The following RFX2 variants were observed in gnomAD, a reference collection of about 807,000 sequenced individuals.
The protein encoded by RFX2 is DNA-binding protein RFX2.
A neutral mutation model predicts 87.8 loss-of-function variants in RFX2; 20 were observed. The observed-to-expected ratio is 0.23, with a 90% CI of 0.16 to 0.33. The LOEUF is 0.33. Among genes scored for constraint, RFX2 ranks in the 10% least tolerant of loss-of-function variants. The probability of loss-of-function intolerance (pLI) is 1.00; values close to 1 mark genes in which losing one functional copy is unlikely to be tolerated. For missense variants in RFX2, 767 were observed against 1,012.3 expected (o/e 0.76, Z 3.29); for synonymous variants, 397 against 431.3 (o/e 0.92, Z 0.98).
intron 5 of RFX2, among the ~76,000 whole-genome samples, chr19:6,035,700 G>C (rs1383291738): frequency 6.6e-6 from 1 of 152,126 alleles, no homozygotes; most frequent in Non-Finnish European, 1.5e-5. Flanking sequence ...GGCCATGGTT[G>C]TTCTTGGCTC....
In RFX2 at chr19:6,050,075, G is replaced by T. The variant is rs2087248902; in HGVS notation, c.-8-2571C>A. Among the ~76,000 whole-genome samples the T allele has an allele frequency of 6.6e-6, 1 of 152,204 alleles. No homozygotes were observed. On this transcript the variant is annotated intron_variant, in intron 1 of 17. Transcript: ENST00000303657. This position sits in a 1 kb window ranked among gnomAD's most constrained non-coding sequence, Gnocchi z 4.6. ...CCTACAAAATACACCTGAATCTTTGGCTAAGCAACTACACCACAAAGGTGT... is the reference window on the plus strand; with the variant it reads ...CCTACAAAATACACCTGAATCTTTGTCTAAGCAACTACACCACAAAGGTGT...
Position 6,026,449 on chromosome 19 carries a change from T to C in RFX2, c.523-212A>G, listed in dbSNP as rs1172097479. On this transcript the variant is annotated intron_variant, in intron 5 of 17. Transcript: ENST00000303657. The surrounding 1 kb of genome is among the most constrained non-coding windows in gnomAD (Gnocchi z 4.5). ...GGTAGGGAGTGTTGCTTCGCACACG[T>C]AGGTAAGCCCGAGAGCCCGTCCAAC... The C allele has an allele frequency of 8.4e-6, 5 of 592,490 alleles. No homozygotes were observed. Among genetic ancestry groups the C allele is most frequent in the Non-Finnish European group, 1.2e-5 (4 of 334,526 alleles). 36.7% of individuals were successfully genotyped at this position (592,490 alleles called of 1,614,324 possible). A position where few individuals can be genotyped will look rare whatever the true frequency, so the allele number is the denominator to read the frequency against.
At chr19:6,008,256 G>T in intron 9 of RFX2, 32 bp from the exon 10 acceptor site, 1 of 1,447,104 alleles carries the variant, frequency 6.9e-7, no homozygotes, top group Non-Finnish European at 9.4e-7. Context: ...ATCAGAAATG[G>T]CGAGGCTCTT....
At chr19:6,088,211 CTTTTTTTTTTTTTT>C (rs1030226963) in intron 1 of RFX2, among the ~76,000 whole-genome samples, 4 of 84,390 alleles carry the variant, frequency 4.7e-5, no homozygotes, top group Non-Finnish European at 9.0e-5. Context: ...GGCACTACAG[CTTTTTTTTTTTTTT>C]TTTTTTTTTT....
rs567793385 is a variant in RFX2, at chr19:5,999,145, A to G, written c.1860-1932T>C. Among the ~76,000 whole-genome samples the G allele has an allele frequency of 1.3e-5, 2 of 152,254 alleles. No homozygotes were observed. Among genetic ancestry groups the G allele is most frequent in the South Asian group, 4.1e-4 (2 of 4,822 alleles). On this transcript the variant is annotated intron_variant, in intron 15 of 17. Transcript: ENST00000303657. The surrounding 1 kb of genome is among the most constrained non-coding windows in gnomAD (Gnocchi z 4.1). ...GTGGTGGGCACCTGTAATCCCAGCT[A>G]TTCAGGAGGCTGAGGCACGAGAAGT...
intron 7 of RFX2, among the ~76,000 whole-genome samples, chr19:6,015,882 G>A (rs78807434): frequency 0.11 from 16,734 of 152,214 alleles, 2,779 homozygotes; most frequent in African/African-American, 0.36. Flanking sequence ...TGATCCCCAC[G>A]TCCTATCACC....
Position 6,040,082 on chromosome 19 carries a change from C to T in RFX2, c.420G>A (p.Gly140=), listed in dbSNP as rs148146728. 1.6e-4 allele frequency: 253 copies of T among 1,612,200 alleles called. No individual in the cohort carries two copies. In the African/African-American group the frequency reaches 3.0e-3, roughly 19 times the overall value. ...HSMVGITMDV[G]GSPIVSSAGA... is the part of the protein sequence containing the mutation. ...CCGCGCTGGAGACGATGGGGCTCCCCCCGACATCCATGGTGATGCCCACCA... is the reference window on the plus strand; with the variant it reads ...CCGCGCTGGAGACGATGGGGCTCCCTCCGACATCCATGGTGATGCCCACCA... The change falls in exon 5 of 18, where the codon GGG becomes GGA. Residue 140 remains glycine (G), a synonymous_variant. Coordinates refer to ENST00000303657, the MANE Select transcript of RFX2 (RefSeq NM_000635.4). This position sits in a 1 kb window ranked among gnomAD's most constrained non-coding sequence, Gnocchi z 6.1.
chr19:6,037,992 A>G (rs2087046913), intron 5 of RFX2, among the ~76,000 whole-genome samples: 1 of 152,218 alleles, frequency 6.6e-6, no homozygotes, highest in African/African-American at 2.4e-5. Context: ...ACCTTACATT[A>G]TACAAATGTT....
In RFX2 at chr19:6,007,615, T is replaced by A; in HGVS notation, c.1247+75A>T. Reference sequence around the variant, plus strand: ...TTCTTGGAGAGCTGAGGCTTTCGTTTGTGGGTTACCTGTGGACGTCAGCAG... The same window carrying A: ...TTCTTGGAGAGCTGAGGCTTTCGTTAGTGGGTTACCTGTGGACGTCAGCAG... On this transcript the variant is annotated intron_variant, in intron 11 of 17. Transcript: ENST00000303657. This position sits in a 1 kb window ranked among gnomAD's most constrained non-coding sequence, Gnocchi z 8.2. 1 of 836,640 alleles carries A rather than the reference T, an allele frequency of 1.2e-6. No individual in the cohort carries two copies. The allele number at this position is 836,640 out of a possible 1,614,324, so 51.8% of individuals were successfully genotyped here.
chr19:6,069,821 T>C (rs552917258), intron 1 of RFX2, among the ~76,000 whole-genome samples: 2 of 152,180 alleles, frequency 1.3e-5, no homozygotes, highest in African/African-American at 2.4e-5. Flanking sequence ...GATGGCTCTT[T>C]TGAGGAATTT....
intron 1 of RFX2, chr19:6,073,612 G>C: frequency 3.5e-6 from 1 of 288,296 alleles, no homozygotes; most frequent in Non-Finnish European, 6.4e-6. Flanking sequence ...ATAAATATTT[G>C]AAATATTTCC....
At chr19:6,085,827 C>A (rs1307661218) in intron 1 of RFX2, among the ~76,000 whole-genome samples, 1 of 152,144 alleles carries the variant, frequency 6.6e-6, no homozygotes, top group African/African-American at 2.4e-5. Context: ...CACAGTGGCT[C>A]ACGCCTGTAA....
rs113455825 is a variant in RFX2, at chr19:6,023,785, C to CT, written c.597+2377dup. Among the ~76,000 whole-genome samples the CT allele has an allele frequency of 9.5e-4, 138 of 145,542 alleles. No homozygotes were observed. Among genetic ancestry groups the CT allele is most frequent in the South Asian group, 3.5e-3 (16 of 4,588 alleles). On this transcript the variant is annotated intron_variant, in intron 6 of 17. Coordinates refer to ENST00000303657, the MANE Select transcript of RFX2 (RefSeq NM_000635.4). The surrounding 1 kb of genome is among the most constrained non-coding windows in gnomAD (Gnocchi z 4.9). ...ATGCATTTTCCCATAGACATTTTTT[C>CT]TTTTTTTTTTTTGAGATGGAGTCTC... is the stretch of plus-strand genomic sequence containing the variant.
At position 6,010,124 on chromosome 19, in the gene RFX2, C is replaced by T. The variant is rs200565789; in HGVS notation, c.1015+12G>A. The T allele has an allele frequency of 1.8e-5, 27 of 1,518,420 alleles. No homozygotes were observed. The highest frequency in any genetic ancestry group is 1.1e-4 in the African/African-American group (8 of 72,432). 94.1% of individuals were successfully genotyped at this position (1,518,420 alleles called of 1,614,324 possible). On this transcript the variant is annotated intron_variant, in intron 9 of 17. Coordinates refer to ENST00000303657, the MANE Select transcript of RFX2 (RefSeq NM_000635.4). This position sits in a 1 kb window ranked among gnomAD's most constrained non-coding sequence, Gnocchi z 5.0. Reference sequence around the variant, plus strand: ...TGGGAGCCCCGCCCCCGGGCCTGACCGGGCCTCTCACCTATGTACTGCTGG... The same window carrying T: ...TGGGAGCCCCGCCCCCGGGCCTGACTGGGCCTCTCACCTATGTACTGCTGG...
chr19:6,065,811 C>T (rs1332685902), intron 1 of RFX2, among the ~76,000 whole-genome samples: 1 of 151,966 alleles, frequency 6.6e-6, no homozygotes, highest in Non-Finnish European at 1.5e-5. Context: ...CGAGTCTCAC[C>T]ACGGGAACCA....
chr19:6,065,215 G>A (rs769586587), intron 1 of RFX2, among the ~76,000 whole-genome samples: 4 of 152,154 alleles, frequency 2.6e-5, no homozygotes, highest in Non-Finnish European at 5.9e-5. Context: ...ACAGGTTGCA[G>A]GACAAATAAT....
At chr19:6,014,758 C>T (rs1477845995) in intron 7 of RFX2, among the ~76,000 whole-genome samples, 1 of 152,166 alleles carries the variant, frequency 6.6e-6, no homozygotes, top group Non-Finnish European at 1.5e-5. Context: ...CGCTTCTGTC[C>T]CTCCTCTACG....
chr19:6,066,887 T>G (rs1411528504), intron 1 of RFX2, among the ~76,000 whole-genome samples: 1 of 152,054 alleles, frequency 6.6e-6, no homozygotes, highest in Non-Finnish European at 1.5e-5. Flanking sequence ...AACCAAACAA[T>G]GTCATCCCGG....
At chr19:6,034,560 C>G (rs555331636) in intron 5 of RFX2, among the ~76,000 whole-genome samples, 1 of 152,082 alleles carries the variant, frequency 6.6e-6, no homozygotes, top group African/African-American at 2.4e-5. Flanking sequence ...TGGGGTCTCA[C>G]TATGTTGCCT....
Sources: gnomAD v4.1 joint callset for allele counts (sites outside exome capture counted in the v4.1 genomes callset) on GRCh38, gnomAD v4.1.1 for gene constraint, Gnocchi (gnomAD v3.1) non-coding constraint, MANE v1.5 for transcripts, NCBI Gene and HGNC (gene_info 2026-07-23, HGNC 2026-07-21) for gene names.